The following ZNF83 variants were observed in gnomAD, a reference collection of about 807,000 sequenced individuals.
ZNF83 encodes the protein zinc finger protein 816B.
For missense variants in ZNF83, 552 were observed against 629.9 expected (o/e 0.88, Z 1.32); for synonymous variants, 209 against 213.0 (o/e 0.98, Z 0.17).
At chr19:52,632,669 T>C (rs1316070519) in intron 2 of ZNF83, among the ~76,000 whole-genome samples, 1 of 148,962 alleles carries the variant, frequency 6.7e-6, no homozygotes, top group Non-Finnish European at 1.5e-5. Context: ...GGCAAGGCTA[T>C]GCTGAACCTC....
chr19:52,685,671 C>A (rs1210203529), intron 1 of ZNF83, among the ~76,000 whole-genome samples: 1 of 151,930 alleles, frequency 6.6e-6, no homozygotes, highest in East Asian at 1.9e-4. Flanking sequence ...TCGAGGTGGG[C>A]AGATCACCTG....
At chr19:52,641,686 CTATTCTTTTTTTTCT>C (rs1410091547), upstream of ZNF83, among the ~76,000 whole-genome samples, 1 of 151,956 alleles carries the variant, frequency 6.6e-6, no homozygotes, top group African/African-American at 2.4e-5. Flanking sequence ...AGTTTTTTTC[CTATTCTTTTTTTTCT>C]GTGTTCATGA....
chr19:52,678,134 C>T (rs1192750414), intron 1 of ZNF83, among the ~76,000 whole-genome samples: 1 of 151,818 alleles, frequency 6.6e-6, no homozygotes, highest in Non-Finnish European at 1.5e-5. Flanking sequence ...CAATAATGCG[C>T]TAACTAAAAT....
At chr19:52,667,971 G>A (rs1438834283) in intron 1 of ZNF83, among the ~76,000 whole-genome samples, 2 of 152,050 alleles carry the variant, frequency 1.3e-5, no homozygotes, top group Admixed American at 1.3e-4. Flanking sequence ...AATAAAAATA[G>A]GTGCTAAAGA....
intron 1 of ZNF83, among the ~76,000 whole-genome samples, chr19:52,674,527 C>T (rs1263092221): frequency 6.6e-6 from 1 of 152,112 alleles, no homozygotes; most frequent in African/African-American, 2.4e-5. Flanking sequence ...TAGAAAGTCA[C>T]AAAGACTCAA....
At chr19:52,647,295 C>T (rs1437397956) in intron 3 of ZNF83, among the ~76,000 whole-genome samples, 1 of 152,120 alleles carries the variant, frequency 6.6e-6, no homozygotes, top group Admixed American at 6.6e-5. Flanking sequence ...TTTTAAAATT[C>T]TCAGTTTCAT....
At chr19:52,632,572 T>C (rs1002900335) in intron 2 of ZNF83, among the ~76,000 whole-genome samples, 1 of 152,150 alleles carries the variant, frequency 6.6e-6, no homozygotes, top group African/African-American at 2.4e-5. Flanking sequence ...GTTTACACTG[T>C]TTCTCCAAGC....
intron 1 of ZNF83, among the ~76,000 whole-genome samples, chr19:52,688,733 T>C (rs6509674): frequency 0.69 from 104,878 of 151,876 alleles, 37,758 homozygotes; most frequent in African/African-American, 0.91. Flanking sequence ...TGGACAGAAA[T>C]TTAAAAATAA....
At chr19:52,630,519 A>C (rs1430985323) in intron 2 of ZNF83, among the ~76,000 whole-genome samples, 5 of 152,078 alleles carry the variant, frequency 3.3e-5, no homozygotes, top group Non-Finnish European at 7.3e-5. Context: ...CCACCTGCCC[A>C]GTTCCCTTGT....
chr19:52,619,890 GAA>G (rs978851309), intron 2 of ZNF83, among the ~76,000 whole-genome samples: 5 of 151,492 alleles, frequency 3.3e-5, no homozygotes, highest in Admixed American at 3.3e-4. Flanking sequence ...CTCAAAGAAA[GAA>G]AAAAAAATTT....
At chr19:52,679,944 G>A (rs902394279) in intron 1 of ZNF83, among the ~76,000 whole-genome samples, 5 of 152,138 alleles carry the variant, frequency 3.3e-5, no homozygotes, top group African/African-American at 1.2e-4. Flanking sequence ...ACTTTGAGAG[G>A]CTGAGGCGGG....
chr19:52,614,085 A>G (rs1289455142), exon 3 of ZNF83: 2 of 1,612,064 alleles, frequency 1.2e-6, no homozygotes, highest in South Asian at 1.1e-5. Flanking sequence ...GGTGTGACAT[A>G]TTATGGAAGA....
intron 2 of ZNF83, among the ~76,000 whole-genome samples, chr19:52,624,738 G>C (rs1012383086): frequency 6.6e-6 from 1 of 152,124 alleles, no homozygotes; most frequent in East Asian, 1.9e-4. Flanking sequence ...TTATACGCTG[G>C]CCATGATGTC....
chr19:52,686,485 T>G (rs1353367453), intron 1 of ZNF83, among the ~76,000 whole-genome samples: 3 of 118,898 alleles, frequency 2.5e-5, no homozygotes, highest in Non-Finnish European at 5.2e-5. Context: ...TATATATAAA[T>G]AAATGAGAAA....
chr19:52,614,836 C>T (rs2060248692), intron 2 of ZNF83, 39 bp from the exon 3 acceptor site: 7 of 1,253,264 alleles, frequency 5.6e-6, no homozygotes, highest in Non-Finnish European at 7.1e-6. Flanking sequence ...CAATTAATTA[C>T]AGATAGTCAA....
intron 2 of ZNF83, among the ~76,000 whole-genome samples, chr19:52,629,870 ACAACAGG>A (rs2147150812): frequency 6.6e-6 from 1 of 152,346 alleles, no homozygotes; most frequent in East Asian, 1.9e-4. Flanking sequence ...CTCAAACCCC[ACAACAGG>A]ATTTAATTAA....
chr19:52,687,421 TAAATTATAA>T (rs1307996851), intron 1 of ZNF83, among the ~76,000 whole-genome samples: 1 of 56,240 alleles, frequency 1.8e-5, no homozygotes, highest in Non-Finnish European at 3.4e-5. Context: ...AATTATAATA[TAAATTATAA>T]TTTATATAGC....
intron 1 of ZNF83, among the ~76,000 whole-genome samples, chr19:52,677,144 GAAA>G (rs1568579987): frequency 7.7e-6 from 1 of 130,070 alleles, no homozygotes; most frequent in Non-Finnish European, 1.7e-5. Flanking sequence ...AAGAAAAAAA[GAAA>G]AAAAAATAAA....
At chr19:52,649,058 C>A (rs188158024) in intron 3 of ZNF83, among the ~76,000 whole-genome samples, 366 of 152,316 alleles carry the variant, frequency 2.4e-3, no homozygotes, top group Non-Finnish European at 4.1e-3. Flanking sequence ...GGTCCCCACC[C>A]ACTGTCCAGA....
Sources: allele counts gnomAD v4.1 joint callset (sites outside exome capture counted in the v4.1 genomes callset), GRCh38; gene constraint gnomAD v4.1.1; transcripts MANE v1.5; gene names NCBI Gene and HGNC (gene_info 2026-07-23, HGNC 2026-07-21).